Variants in POU2F1 observed in about 807,000 individuals in gnomAD.
POU2F1 encodes the protein POU class 2 homeobox 1, also known as POU domain, class 2, transcription factor 1.
Under a neutral mutation model 84.9 loss-of-function variants are expected in POU2F1, and 16 were observed. The ratio of observed to expected loss-of-function variants is 0.19; its 90% CI spans 0.13 to 0.29. The LOEUF (loss-of-function observed/expected upper bound fraction) is 0.29, where lower values mean the gene tolerates loss of function less well. Among genes scored for constraint, POU2F1 ranks in the 10% least tolerant of loss-of-function variants. POU2F1 has a pLI of 1.00. For synonymous variants in POU2F1, 368 were observed against 368.3 expected (o/e 1.00, Z 0.01); for missense variants, 738 against 942.6 (o/e 0.78, Z 2.84).
intron 1 of POU2F1, among the ~76,000 whole-genome samples, chr1:167,259,574 A>AG (rs924060403): frequency 5.9e-5 from 9 of 152,100 alleles, no homozygotes; most frequent in East Asian, 1.9e-4. Flanking sequence ...AGTTTTATTA[A>AG]GGGGGGGTGT....
intron 1 of POU2F1, among the ~76,000 whole-genome samples, chr1:167,276,793 G>T (rs537158382): frequency 6.6e-6 from 1 of 152,032 alleles, no homozygotes; most frequent in Non-Finnish European, 1.5e-5. Flanking sequence ...AATAAGGGTG[G>T]GAAAGGCAAA....
Position 167,332,455 on chromosome 1 carries a change from T to C in POU2F1, c.62-15T>C, listed in dbSNP as rs1244125422. 1 of 1,599,900 alleles carries C rather than the reference T, an allele frequency of 6.3e-7. No individual in the cohort carries two copies. Among genetic ancestry groups the C allele is most frequent in the Admixed American group, 1.7e-5 (1 of 59,958 alleles). On this transcript the variant is annotated splice_polypyrimidine_tract_variant and intron_variant, in intron 1 of 15. Coordinates refer to ENST00000367866, the MANE Select transcript of POU2F1 (RefSeq NM_002697.4). ...CAGTTTTTTAAAAACCTTATTCTCC[T>C]CTGATTTATTGCAGACTCAAGAATG...
At chr1:167,383,700 G>A in intron 7 of POU2F1, 157 bp from the exon 8 acceptor site, 2 of 593,182 alleles carry the variant, frequency 3.4e-6, no homozygotes, top group Non-Finnish European at 5.9e-6. Context: ...AAACAAGATT[G>A]AATGTAAGGC....
chr1:167,333,486 A>G (rs113150145), intron 2 of POU2F1, among the ~76,000 whole-genome samples: 5 of 152,326 alleles, frequency 3.3e-5, no homozygotes, highest in African/African-American at 1.2e-4. Context: ...ACCATGGGCA[A>G]TGGTAAGAGT....
At chr1:167,297,958 A>G (rs1337419291) in intron 1 of POU2F1, among the ~76,000 whole-genome samples, 1 of 144,704 alleles carries the variant, frequency 6.9e-6, no homozygotes, top group South Asian at 2.2e-4. Context: ...CGTCTCTACT[A>G]AAAAAAAAAA....
At chr1:167,315,585 G>A (rs971680860) in intron 1 of POU2F1, among the ~76,000 whole-genome samples, 1 of 152,166 alleles carries the variant, frequency 6.6e-6, no homozygotes, top group Non-Finnish European at 1.5e-5. Context: ...AGACCAGCTT[G>A]AGCAACATAG....
At position 167,422,273 on chromosome 1, in the gene POU2F1, C is replaced by G. The variant is rs1479469389; in HGVS notation, c.*6463C>G. On this transcript the variant is annotated 3_prime_UTR_variant, in exon 16 of 16. Transcript: ENST00000367866. ...AGAAACAGAGGCAGACATAGACATG[C>G]ACCAATTAATTTGGAGCCAAGAGGT... The G allele has an allele frequency of 6.6e-6, 1 of 152,200 alleles. No homozygotes were observed. The highest frequency in any genetic ancestry group is 1.5e-5 in the Non-Finnish European group (1 of 68,058). 9.4% of individuals were successfully genotyped at this position (152,200 alleles called of 1,614,324 possible). A position where few individuals can be genotyped will look rare whatever the true frequency, so the allele number is the denominator to read the frequency against.
rs1351338698 is a variant in POU2F1 at position 167,383,928 on chromosome 1, C to G, written c.790C>G (p.Pro264Ala). 1 of 1,613,508 alleles carries G rather than the reference C, an allele frequency of 6.2e-7. No individual in the cohort carries two copies. The highest frequency in any genetic ancestry group is 8.5e-7 in the Non-Finnish European group (1 of 1,179,722). Residue 264 changes from proline to alanine, a missense_variant, in exon 8 of 16, where the codon CCA becomes GCA. Around this residue, in one of 4 missense-constraint regions of POU2F1, gnomAD observed 163 missense variants for 214.4 expected, o/e 0.76. Transcript: ENST00000367866. The part of the protein sequence containing the change: ...QSQANLLQSQ[P>A]SITLTSQPAT... ...CCAAGCCAACCTCCTACAGTCGCAG[C>G]CAAGCATCACCCTCACCTCCCAGGT...
At position 167,269,895 on chromosome 1, in the gene POU2F1, C is replaced by T. The variant is rs534708889; in HGVS notation, c.61+48937C>T. Among the ~76,000 whole-genome samples the T allele has an allele frequency of 9.4e-5, 13 of 137,888 alleles. No homozygotes were observed. In the East Asian group the frequency reaches 1.7e-3, roughly 18 times the overall value. The allele number at this position is 137,888 out of a possible 152,430, so 90.5% of individuals were successfully genotyped here. A position where few individuals can be genotyped will look rare whatever the true frequency, so the allele number is the denominator to read the frequency against. On this transcript the variant is annotated intron_variant, in intron 1 of 15. Coordinates refer to ENST00000367866, the MANE Select transcript of POU2F1 (RefSeq NM_002697.4). Reference sequence around the variant, plus strand: ...CGCCACTGCACTCCAACCTGGACAACAGTGTGAGTCTCTGTCTCAAAAAAA... The same window carrying T: ...CGCCACTGCACTCCAACCTGGACAATAGTGTGAGTCTCTGTCTCAAAAAAA...
intron 1 of POU2F1, among the ~76,000 whole-genome samples, chr1:167,309,215 C>G (rs1655294232): frequency 1.3e-5 from 2 of 151,816 alleles, no homozygotes; most frequent in South Asian, 4.2e-4. Flanking sequence ...ACTATTGCCC[C>G]CAGGCACTCC....
At chr1:167,237,849 G>T (rs1363951251) in intron 1 of POU2F1, among the ~76,000 whole-genome samples, 1 of 136,370 alleles carries the variant, frequency 7.3e-6, no homozygotes, top group Non-Finnish European at 1.5e-5. Flanking sequence ...GCGTGATCTC[G>T]GCTCACTTCA....
At chr1:167,237,768 ATAT>A (rs1557836631) in intron 1 of POU2F1, among the ~76,000 whole-genome samples, 1,188 of 15,358 alleles carry the variant, frequency 0.077, 70 homozygotes, top group East Asian at 0.14. Context: ...ATATATATAT[ATAT>A]ATTTTTTTTT....
intron 14 of POU2F1, among the ~76,000 whole-genome samples, chr1:167,412,764 GAA>G (rs1004067303): frequency 4.9e-4 from 75 of 152,136 alleles, no homozygotes; most frequent in African/African-American, 1.7e-3. Flanking sequence ...ATTTTGGAAA[GAA>G]AGAGAAATAA....
At chr1:167,370,263 T>G in intron 4 of POU2F1, 49 bp downstream of exon 4, 2 of 1,496,122 alleles carry the variant, frequency 1.3e-6, no homozygotes, top group Non-Finnish European at 1.8e-6. Context: ...TATTTTTTCT[T>G]ATATTTTTCT....
In POU2F1 at chr1:167,295,807, A is replaced by C. The variant is rs1571246768; in HGVS notation, c.62-36663A>C. On this transcript the variant is annotated intron_variant, in intron 1 of 15. Transcript: ENST00000367866. ...AATGGGCCATAGAAGGCCTTCTTCTATACCAGGGAGAATAGGGAACCTCTT... is the reference window on the plus strand; with the variant it reads ...AATGGGCCATAGAAGGCCTTCTTCTCTACCAGGGAGAATAGGGAACCTCTT... Among the ~76,000 whole-genome samples the C allele has an allele frequency of 3.3e-5, 5 of 152,312 alleles. No homozygotes were observed. In the South Asian group the frequency reaches 1.0e-3, roughly 32 times the overall value.
At chr1:167,382,230 G>A (rs1281955246) in intron 7 of POU2F1, among the ~76,000 whole-genome samples, 1 of 152,152 alleles carries the variant, frequency 6.6e-6, no homozygotes, top group Admixed American at 6.5e-5. Flanking sequence ...ATAGTAATCT[G>A]GTAATGGTTA....
Position 167,415,945 on chromosome 1 carries a change from A to G in POU2F1, c.*135A>G. 1.1e-6 allele frequency: 1 copy of G among 900,736 alleles called. No homozygotes were observed. 55.8% of individuals were successfully genotyped at this position (900,736 alleles called of 1,614,324 possible). On this transcript the variant is annotated 3_prime_UTR_variant, in exon 16 of 16. Coordinates refer to ENST00000367866, the MANE Select transcript of POU2F1 (RefSeq NM_002697.4). ...GAGGGCAAAGGAGAGAAGGGAGAAA[A>G]AAAAAAAAAAACCACACACACCCAT...
chr1:167,305,319 C>T (rs1400741597), intron 1 of POU2F1, among the ~76,000 whole-genome samples: 1 of 152,090 alleles, frequency 6.6e-6, no homozygotes, highest in Non-Finnish European at 1.5e-5. Context: ...TCCTTAGTAG[C>T]TGGTATTACA....
intron 2 of POU2F1, 80 bp from the exon 3 acceptor site, chr1:167,365,387 A>C (rs1359694119): frequency 9.4e-7 from 1 of 1,064,344 alleles, no homozygotes; most frequent in Non-Finnish European, 1.3e-6. Flanking sequence ...TAGGTGCCTG[A>C]TGAATGTTGG....
Sources: gnomAD v4.1 joint callset for allele counts (sites outside exome capture counted in the v4.1 genomes callset) on GRCh38, gnomAD v4.1.1 for gene constraint, gnomAD v4.1.1 regional missense constraint, MANE v1.5 for transcripts, NCBI Gene and HGNC (gene_info 2026-07-23, HGNC 2026-07-21) for gene names.